HK3: variants seen among roughly 807,000 people sequenced by gnomAD.
HK3 encodes hexokinase 3, also known as hexokinase-3.
Under a neutral mutation model 91.0 loss-of-function variants are expected in HK3, and 93 were observed. That is an observed-to-expected ratio of 1.02 (90% confidence interval 0.86 to 1.21). HK3 has a LOEUF of 1.21. Among genes scored for constraint, HK3 ranks in the 50% most tolerant of loss-of-function variants. The pLI is 0.00. For synonymous variants in HK3, 519 were observed against 516.9 expected, an observed-to-expected ratio of 1.00 and a Z score of -0.06; for missense variants, 1,235 against 1,247.4, an observed-to-expected ratio of 0.99 and a Z score of 0.15.
chr5:176,881,478 C>T lies in HK3; in HGVS notation c.2451G>A (p.Leu817=). 1 of 1,607,954 alleles carries T rather than the reference C, an allele frequency of 6.2e-7. No homozygotes were observed. Among genetic ancestry groups the T allele is most frequent in the Non-Finnish European group, 8.5e-7 (1 of 1,179,958 alleles). ...RAILEDLGLP[L]TSDDALMVLE... ...GCACCATCAGGGCGTCATCTGAGGT[C>T]AGGGGTAGCCCCAGATCCTCTAGGA... is the stretch of plus-strand genomic sequence containing the variant. Residue 817 remains leucine, a synonymous_variant, in exon 18 of 19, where the codon CTG becomes CTA. Coordinates refer to ENST00000292432, the MANE Select transcript of HK3 (RefSeq NM_002115.3).
chr5:176,892,151 A>G (rs933244472), intron 2 of HK3, among the ~76,000 whole-genome samples: 5 of 152,204 alleles, frequency 3.3e-5, no homozygotes, highest in Admixed American at 6.5e-5. Context: ...CCAAGAAGCA[A>G]CAAATGCTTT....
At position 176,888,806 on chromosome 5, in the gene HK3, G is replaced by A. The variant is rs1758675599; in HGVS notation, c.973C>T (p.His325Tyr). Residue 325 changes from histidine (H) to tyrosine (Y), a missense_variant, in exon 9 of 19, where the codon CAC becomes TAC. Around this residue, in one of 3 missense-constraint regions of HK3, gnomAD observed 717 missense variants for 751.6 expected, o/e 0.95. Coordinates refer to ENST00000292432, the MANE Select transcript of HK3 (RefSeq NM_002115.3). ...LGELVRLVLA[H>Y]LARCGVLFGG... ...AAGAGGACCCCACACCGGGCCAAGT[G>A]AGCCAGCACCAGCCGCACCAGCTCA... 1.2e-6 allele frequency: 2 copies of A among 1,613,972 alleles called. No individual in the cohort carries two copies. The highest frequency in any genetic ancestry group is 1.1e-5 in the South Asian group (1 of 91,078).
In HK3 at chr5:176,890,824, T is replaced by G. The variant is rs747682780; in HGVS notation, c.532A>C (p.Arg178=). ...GTCCCATGTCCACTCCACCTCACCCTGTCCAAGCCCGTCTGGTGACAAGGG... is the reference window on the plus strand; with the variant it reads ...GTCCCATGTCCACTCCACCTCACCCGGTCCAAGCCCGTCTGGTGACAAGGG... ...SFPCHQTGLD[R]STLISWTKGF... is the part of the protein sequence containing the mutation. Residue 178 remains arginine, a splice_region_variant and synonymous_variant, in exon 5 of 19, where the codon AGG becomes CGG. Transcript: ENST00000292432. 2 of 1,614,074 alleles carry G rather than the reference T, an allele frequency of 1.2e-6. No individual in the cohort carries two copies. The highest frequency in any genetic ancestry group is 2.2e-5 in the South Asian group (2 of 91,084).
intron 15 of HK3, 96 bp downstream of exon 15, chr5:176,883,674 C>A: frequency 2.0e-6 from 2 of 983,498 alleles, no homozygotes; most frequent in Admixed American, 3.7e-5. Context: ...AGCAATCCCA[C>A]ATCCCCACCG....
chr5:176,884,138 G>T lies in HK3; in HGVS notation c.1858-4C>A, dbSNP rs1173767582. 2 of 1,613,154 alleles carry T rather than the reference G, an allele frequency of 1.2e-6. No homozygotes were observed. Among genetic ancestry groups the T allele is most frequent in the Admixed American group, 1.7e-5 (1 of 60,004 alleles). On this transcript the variant is annotated splice_region_variant and splice_polypyrimidine_tract_variant and intron_variant, in intron 13 of 18. Coordinates refer to ENST00000292432, the MANE Select transcript of HK3 (RefSeq NM_002115.3). The surrounding 1 kb of genome is among the most constrained non-coding windows in gnomAD (Gnocchi z 4.1). Reference sequence around the variant, plus strand: ...TGGTCCAGTTCAGGAGGATGCCCTGGGGTGAGACCGAGAGGAAGTGGCAGG... The same window carrying T: ...TGGTCCAGTTCAGGAGGATGCCCTGTGGTGAGACCGAGAGGAAGTGGCAGG...
Position 176,884,304 on chromosome 5 carries a change from C to A in HK3, c.1858-170G>T, listed in dbSNP as rs1758526306. Among the ~76,000 whole-genome samples, 1 of 152,248 alleles carries A rather than the reference C, an allele frequency of 6.6e-6. No individual in the cohort carries two copies. Among genetic ancestry groups the A allele is most frequent in the Non-Finnish European group, 1.5e-5 (1 of 68,036 alleles). On this transcript the variant is annotated intron_variant, in intron 13 of 18. Coordinates refer to ENST00000292432, the MANE Select transcript of HK3 (RefSeq NM_002115.3). This position sits in a 1 kb window ranked among gnomAD's most constrained non-coding sequence, Gnocchi z 4.1. Reference sequence around the variant, plus strand: ...GGCCTTGCCCTCTGCCCGCTCCCTACTCCCCAGGAGGCTTTCGGTGTGCAA... The same window carrying A: ...GGCCTTGCCCTCTGCCCGCTCCCTAATCCCCAGGAGGCTTTCGGTGTGCAA...
chr5:176,887,452 G>A lies in HK3; in HGVS notation c.1599C>T (p.Ser533=), dbSNP rs761405370. ...PTFVRATPDG[S]ERGDFLALDL... ...CCCACACTCAGGCCAGGTCCTTACC[G>A]CTGCCGTCAGGGGTGGCCCGGACGA... The change falls in exon 11 of 19, where the codon AGC becomes AGT. Residue 533 remains serine (S), a splice_region_variant and synonymous_variant. Coordinates refer to ENST00000292432, the MANE Select transcript of HK3 (RefSeq NM_002115.3). The surrounding 1 kb of genome is among the most constrained non-coding windows in gnomAD (Gnocchi z 4.9). 9.3e-6 allele frequency: 15 copies of A among 1,611,858 alleles called. No homozygotes were observed. Among genetic ancestry groups the A allele is most frequent in the East Asian group, 4.5e-5 (2 of 44,828 alleles).
chr5:176,891,331 C>T (rs187336722), intron 3 of HK3, 57 bp downstream of exon 3: 5 of 1,607,490 alleles, frequency 3.1e-6, no homozygotes, highest in Middle Eastern at 1.6e-4. Context: ...CGTTTCCCTC[C>T]CCTAGATCAG....
In HK3 at chr5:176,883,823, G is replaced by A; in HGVS notation, c.2000C>T (p.Thr667Ile). 1.2e-6 allele frequency: 2 copies of A among 1,614,078 alleles called. No individual in the cohort carries two copies. Among genetic ancestry groups the A allele is most frequent in the Middle Eastern group, 1.7e-4 (1 of 6,060 alleles). ...GTCCTCATAGCCACAGGACATCATG[G>A]TCCCCACCGTGTCATTGACAATGGC... is the stretch of plus-strand genomic sequence containing the variant. ...VVAIVNDTVGTMMSCGYEDPR... is the reference protein window; with the variant it reads ...VVAIVNDTVGIMMSCGYEDPR... The change falls in exon 15 of 19, where the codon ACC (threonine) becomes ATC (isoleucine). Residue 667 changes from threonine (T) to isoleucine (I), a missense_variant. This residue lies in a region of HK3 where 513 missense variants were observed against 477.4 expected (regional missense o/e 1.07). Coordinates refer to ENST00000292432, the MANE Select transcript of HK3 (RefSeq NM_002115.3).
Position 176,881,053 on chromosome 5 carries a change from T to C in HK3, c.*20A>G. The C allele has an allele frequency of 1.5e-5, 24 of 1,577,758 alleles. No homozygotes were observed. Among genetic ancestry groups the C allele is most frequent in the Non-Finnish European group, 2.1e-5 (24 of 1,162,302 alleles). On this transcript the variant is annotated 3_prime_UTR_variant, in exon 19 of 19. Transcript: ENST00000292432. ...CTCCAGCAAGGCTGCGGCGGAGACC[T>C]CCTCAGCCTGGAGGTTTCCTCAGAC...
Position 176,889,450 on chromosome 5 carries a change from G to A in HK3, c.845C>T (p.Ala282Val), listed in dbSNP as rs763201167. 18 of 1,614,068 alleles carry A rather than the reference G, an allele frequency of 1.1e-5. No homozygotes were observed. The Admixed American group carries it at 1.2e-4, about 10-fold the overall frequency. The change falls in exon 8 of 19, where the codon GCG (alanine) becomes GTG (valine). Residue 282 changes from alanine to valine, a missense_variant. This residue lies in a region of HK3 where 717 missense variants were observed against 751.6 expected (regional missense o/e 0.95). Coordinates refer to ENST00000292432, the MANE Select transcript of HK3 (RefSeq NM_002115.3). ...VEWGSFSDDG[A>V]LGPVLTTFDH... is the part of the protein sequence containing the mutation. ...GAAGGTGGTCAGCACTGGTCCCAGC[G>A]CCCCATCATCGCTGAAGGAGCCCCA...
At chr5:176,891,686 G>T in intron 2 of HK3, 136 bp from the exon 3 acceptor site, 1 of 837,180 alleles carries the variant, frequency 1.2e-6, no homozygotes, top group South Asian at 1.8e-5. Context: ...CTTGCCAACA[G>T]CCTGCACCCA....
chr5:176,881,165 C>G lies in HK3; in HGVS notation c.2680G>C (p.Val894Leu). Residue 894 changes from valine to leucine, a missense_variant, in exon 19 of 19, where the codon GTC becomes CTC. By Grantham distance (32) the Val-to-Leu change is conservative. Around this residue, in one of 3 missense-constraint regions of HK3, gnomAD observed 513 missense variants for 477.4 expected, o/e 1.07. Coordinates refer to ENST00000292432, the MANE Select transcript of HK3 (RefSeq NM_002115.3). ...TVRELAPRCV[V>L]TFLQSEDGSG... ...CCATCCTCTGACTGCAGGAACGTGA[C>G]CACACAGCGAGGGGCCAGCTCCCGC... is the stretch of plus-strand genomic sequence containing the variant. 1 of 1,613,150 alleles carries G rather than the reference C, an allele frequency of 6.2e-7. No individual in the cohort carries two copies. The highest frequency in any genetic ancestry group is 8.5e-7 in the Non-Finnish European group (1 of 1,179,928).
chr5:176,887,218 G>A lies in HK3; in HGVS notation c.1720C>T (p.Gln574Ter). 1 of 1,614,160 alleles carries A rather than the reference G, an allele frequency of 6.2e-7. No homozygotes were observed. The highest frequency in any genetic ancestry group is 8.5e-7 in the Non-Finnish European group (1 of 1,180,036). Residue 574 changes from glutamine (Q) to a stop codon, truncating the protein, a stop_gained, in exon 12 of 19, where the codon CAG becomes TAG. Coordinates refer to ENST00000292432, the MANE Select transcript of HK3 (RefSeq NM_002115.3). LOFTEE classifies it high-confidence loss of function. This position sits in a 1 kb window ranked among gnomAD's most constrained non-coding sequence, Gnocchi z 4.9. ...GTGGGTACCTGCTGCCCAGAACCCT[G>A]GGCCACAGTCTCGGGAATGGAGTAG... ...EIYSIPETVA[Q>*]GSGQQLFDHI...
Position 176,881,942 on chromosome 5 carries a change from A to C in HK3, c.2237+2T>G. ...CCACCACTGCCTGGGCCCAGCCCAC[A>C]CCTCTGCTTGCCGGGGTTGATGGAC... On this transcript the variant is annotated splice_donor_variant, in intron 16 of 18. Coordinates refer to ENST00000292432, the MANE Select transcript of HK3 (RefSeq NM_002115.3). LOFTEE classifies it high-confidence loss of function. The C allele has an allele frequency of 6.2e-7, 1 of 1,613,302 alleles. No individual in the cohort carries two copies. The highest frequency in any genetic ancestry group is 8.5e-7 in the Non-Finnish European group (1 of 1,179,826).
chr5:176,889,366 C>A lies in HK3; in HGVS notation c.914+15G>T. 6.2e-7 allele frequency: 1 copy of A among 1,610,792 alleles called. No individual in the cohort carries two copies. The highest frequency in any genetic ancestry group is 1.1e-5 in the South Asian group (1 of 90,854). On this transcript the variant is annotated intron_variant, in intron 8 of 18. Coordinates refer to ENST00000292432, the MANE Select transcript of HK3 (RefSeq NM_002115.3). ...AGGGCCTGGAACCAAAGGTCAGGGC[C>A]CCCTGCCAGGTCACCTCTGAGCACC...
Position 176,883,813 on chromosome 5 carries a change from G to A in HK3, c.2010C>T (p.Ser670=), listed in dbSNP as rs758109758. The change falls in exon 15 of 19, where the codon TCC becomes TCT. Residue 670 remains serine (S), a synonymous_variant. Transcript: ENST00000292432. The part of the protein sequence containing the change: ...IVNDTVGTMM[S]CGYEDPRCEI... ...CGCAACGGGGGTCCTCATAGCCACA[G>A]GACATCATGGTCCCCACCGTGTCAT... The A allele has an allele frequency of 3.1e-5, 50 of 1,613,948 alleles. No individual in the cohort carries two copies. The highest frequency in any genetic ancestry group is 4.0e-5 in the Non-Finnish European group (47 of 1,180,016).
chr5:176,882,072 A>T lies in HK3; in HGVS notation c.2109T>A (p.Pro703=). Residue 703 remains proline, a synonymous_variant, in exon 16 of 19, where the codon CCT becomes CCA. Coordinates refer to ENST00000292432, the MANE Select transcript of HK3 (RefSeq NM_002115.3). ...MEELRNVAGV[P]GDSGRMCINM... ...TGATGCACATGCGGCCTGAGTCCCC[A>T]GGCACGCCCGCCACATTCCGGAGCT... The T allele has an allele frequency of 6.2e-7, 1 of 1,612,818 alleles. No homozygotes were observed. The highest frequency in any genetic ancestry group is 8.5e-7 in the Non-Finnish European group (1 of 1,180,010).
intron 2 of HK3, 144 bp from the exon 3 acceptor site, chr5:176,891,694 C>G (rs564919369): frequency 1.3e-6 from 1 of 774,646 alleles, no homozygotes; most frequent in African/African-American, 1.7e-5. Context: ...CAGCCTGCAC[C>G]CAGCTCTGGC....
Sources: gnomAD v4.1 joint callset for allele counts (sites outside exome capture counted in the v4.1 genomes callset) on GRCh38, gnomAD v4.1.1 for gene constraint, gnomAD v4.1.1 regional missense constraint, Gnocchi (gnomAD v3.1) non-coding constraint, MANE v1.5 for transcripts, NCBI Gene and HGNC (gene_info 2026-07-23, HGNC 2026-07-21) for gene names.